Variants in CLVS1 observed in about 807,000 individuals in gnomAD.
CLVS1 encodes the protein clavesin-1.
Under a neutral mutation model 33.1 loss-of-function variants are expected in CLVS1, and 10 were observed. The observed-to-expected ratio is 0.30, with a 90% CI of 0.19 to 0.51. CLVS1 has a LOEUF of 0.51. Ranked by LOEUF, CLVS1 falls within the 20% of genes least tolerant of loss-of-function variation. The pLI is 0.97. For missense variants in CLVS1, 343 were observed against 433.4 expected (o/e 0.79, Z 1.85); for synonymous variants, 163 against 166.1 (o/e 0.98, Z 0.14).
At chr8:61,365,106 A>G (rs184005271) in intron 2 of CLVS1, among the ~76,000 whole-genome samples, 9 of 152,154 alleles carry the variant, frequency 5.9e-5, no homozygotes, top group Admixed American at 4.6e-4. Flanking sequence ...TTTTCTTTTA[A>G]AAAGCCTCAT....
the CLVS1 span, among the ~76,000 whole-genome samples, chr8:61,008,420 C>T: frequency 2.9e-4 from 43 of 150,868 alleles, no homozygotes; most frequent in African/African-American, 8.5e-4. Flanking sequence ...AGGAGTACCA[C>T]GGAGTAACTA....
intron 2 of CLVS1, among the ~76,000 whole-genome samples, chr8:61,219,811 T>G (rs1408856380): frequency 6.6e-6 from 1 of 152,206 alleles, no homozygotes; most frequent in African/African-American, 2.4e-5. Context: ...CCAGGATCTA[T>G]TGTTTCCTGA....
At chr8:61,156,745 T>A (rs893076422) in intron 2 of CLVS1, among the ~76,000 whole-genome samples, 40 of 152,314 alleles carry the variant, frequency 2.6e-4, no homozygotes, top group African/African-American at 9.4e-4. Flanking sequence ...AAATGTCAAC[T>A]TACCTGTGAT....
At chr8:61,175,218 G>A (rs1250284857) in intron 2 of CLVS1, among the ~76,000 whole-genome samples, 1 of 152,182 alleles carries the variant, frequency 6.6e-6, no homozygotes, top group Non-Finnish European at 1.5e-5. Context: ...GTGTTAGAAA[G>A]TGAGGCCTTT....
At chr8:61,045,493 C>T in the CLVS1 span, among the ~76,000 whole-genome samples, 1 of 152,310 alleles carries the variant, frequency 6.6e-6, no homozygotes, top group Admixed American at 6.5e-5. Flanking sequence ...TAGAAGTTGC[C>T]AACCTGAAAG....
Position 61,164,857 on chromosome 8 carries a change from G to A in CLVS1, c.-152+32997G>A, listed in dbSNP as rs371754442. On this transcript the variant is annotated intron_variant, in intron 2 of 2. Coordinates refer to the CLVS1 transcript ENST00000522621. ...TGTCCATGTCATTTTATCCAAACCC[G>A]TGTGAGACCAAGAACCCTGATGTTC... Among the ~76,000 whole-genome samples the A allele has an allele frequency of 2.6e-3, 388 of 151,912 alleles. 3 individuals carry two copies. The highest frequency in any genetic ancestry group is 0.016 in the South Asian group (75 of 4,806).
At chr8:61,402,884 G>C (rs1171453998) in intron 3 of CLVS1, among the ~76,000 whole-genome samples, 1 of 152,246 alleles carries the variant, frequency 6.6e-6, no homozygotes, top group East Asian at 1.9e-4. Flanking sequence ...GATACATTGT[G>C]CATACATACA....
At chr8:61,039,920 G>A in the CLVS1 span, among the ~76,000 whole-genome samples, 2 of 152,142 alleles carry the variant, frequency 1.3e-5, no homozygotes, top group East Asian at 1.9e-4. Context: ...CTGAGGTTTC[G>A]GGTACAAATG....
intron 1 of CLVS1, among the ~76,000 whole-genome samples, chr8:61,105,895 G>A (rs542606969): frequency 6.6e-6 from 1 of 152,126 alleles, no homozygotes; most frequent in South Asian, 2.1e-4. Flanking sequence ...GAACACAACC[G>A]CTCCAGTTTT....
chr8:61,286,624 A>G (rs949733440), upstream of CLVS1, among the ~76,000 whole-genome samples: 3 of 152,266 alleles, frequency 2.0e-5, no homozygotes, highest in Admixed American at 1.3e-4. Context: ...TGGTACTTAC[A>G]TTCCATCAGA....
the CLVS1 span, among the ~76,000 whole-genome samples, chr8:60,985,690 A>G: frequency 2.0e-5 from 3 of 152,158 alleles, no homozygotes; most frequent in African/African-American, 7.2e-5. Context: ...GAACCCGTGT[A>G]ATTGTAGGTT....
chr8:61,154,797 A>G (rs1262106044), intron 2 of CLVS1, among the ~76,000 whole-genome samples: 1 of 152,252 alleles, frequency 6.6e-6, no homozygotes, highest in Non-Finnish European at 1.5e-5. Flanking sequence ...GGAGTTCATT[A>G]TTCATAGCAT....
intron 1 of CLVS1, among the ~76,000 whole-genome samples, chr8:61,084,823 G>T (rs181708367): frequency 6.6e-6 from 1 of 152,292 alleles, no homozygotes; most frequent in East Asian, 1.9e-4. Context: ...TAGTCATTGG[G>T]GGTAGAGATA....
At chr8:61,153,215 G>A (rs1323119210) in intron 2 of CLVS1, among the ~76,000 whole-genome samples, 1 of 152,194 alleles carries the variant, frequency 6.6e-6, no homozygotes, top group Non-Finnish European at 1.5e-5. Flanking sequence ...TTCAAAATGA[G>A]TAATAACAAA....
intron 1 of CLVS1, among the ~76,000 whole-genome samples, chr8:61,109,023 A>G (rs1805585026): frequency 6.6e-6 from 1 of 152,146 alleles, no homozygotes; most frequent in Non-Finnish European, 1.5e-5. Context: ...TGGGATTCAC[A>G]TATATAATTT....
intron 1 of CLVS1, among the ~76,000 whole-genome samples, chr8:61,069,411 T>C (rs201640131): frequency 1.4e-5 from 1 of 73,986 alleles, no homozygotes; most frequent in African/African-American, 5.7e-5. Flanking sequence ...CTCTCTCTCT[T>C]CCTTCCTTCC....
At chr8:61,414,113 G>A (rs960672408) in intron 3 of CLVS1, among the ~76,000 whole-genome samples, 7 of 152,122 alleles carry the variant, frequency 4.6e-5, no homozygotes, top group Non-Finnish European at 1.0e-4. Flanking sequence ...AATGAGGGGA[G>A]GGAAAAATAA....
chr8:61,429,918 C>G (rs1456899183), intron 3 of CLVS1, among the ~76,000 whole-genome samples: 1 of 152,130 alleles, frequency 6.6e-6, no homozygotes, highest in African/African-American at 2.4e-5. Flanking sequence ...TCTTTTGGCC[C>G]TTAAATTCCC....
At chr8:61,212,252 C>G (rs374713407) in intron 2 of CLVS1, among the ~76,000 whole-genome samples, 42 of 152,298 alleles carry the variant, frequency 2.8e-4, no homozygotes, top group African/African-American at 8.4e-4. Context: ...AAAGCTTTCC[C>G]AGGGAGGTAG....
Sources: allele counts gnomAD v4.1 joint callset (sites outside exome capture counted in the v4.1 genomes callset), GRCh38; gene constraint gnomAD v4.1.1; transcripts MANE v1.5; gene names NCBI Gene and HGNC (gene_info 2026-07-23, HGNC 2026-07-21).